Variants in GPC5 observed in about 807,000 individuals in gnomAD.
GPC5 encodes glypican-5.
In GPC5, 47 loss-of-function variants were observed where a neutral mutation model predicts 53.9. That is an observed-to-expected ratio of 0.87 (90% CI 0.69 to 1.11). The LOEUF is 1.11. GPC5 is among the 50% of genes most tolerant of loss of function. GPC5 has a pLI of 0.00. For missense variants in GPC5, 748 were observed against 713.1 expected, an observed-to-expected ratio of 1.05 and a Z score of -0.56; for synonymous variants, 286 against 263.3, an observed-to-expected ratio of 1.09 and a Z score of -0.84.
At position 91,476,309 on chromosome 13, in the gene GPC5, A is replaced by G. The variant is rs377508206; in HGVS notation, c.325+27387A>G. 8.1e-4 allele frequency among the ~76,000 whole-genome samples: 123 copies of G among 152,300 alleles called. 1 individual carries two copies. The highest frequency in any genetic ancestry group is 2.9e-3 in the African/African-American group (121 of 41,570). On this transcript the variant is annotated intron_variant, in intron 2 of 7. Transcript: ENST00000377067. ...CCAGTTGACCTATCTTGTGCTGATA[A>G]TCTTCGAAGGAGGGAATCACTTCAT...
At chr13:92,462,304 G>T (rs1878519681) in intron 7 of GPC5, among the ~76,000 whole-genome samples, 1 of 152,154 alleles carries the variant, frequency 6.6e-6, no homozygotes, top group South Asian at 2.1e-4. Context: ...AGGTGGTGGT[G>T]AAGTCAGCCA....
intron 7 of GPC5, among the ~76,000 whole-genome samples, chr13:92,385,732 T>TGGAAA (rs1467071823): frequency 7.0e-6 from 1 of 143,678 alleles, no homozygotes; most frequent in Non-Finnish European, 1.5e-5. Context: ...TATATACATG[T>TGGAAA]ATATATACGT....
At chr13:91,685,534 AT>A (rs1461269944) in intron 2 of GPC5, among the ~76,000 whole-genome samples, 1 of 152,200 alleles carries the variant, frequency 6.6e-6, no homozygotes, top group Non-Finnish European at 1.5e-5. Context: ...TTCACTTTTC[AT>A]CCCCTACCCT....
chr13:92,238,670 A>T (rs1342910861), intron 7 of GPC5, among the ~76,000 whole-genome samples: 1 of 152,010 alleles, frequency 6.6e-6, no homozygotes, highest in Non-Finnish European at 1.5e-5. Flanking sequence ...CAAGTCCGTT[A>T]TTAGACATAT....
At chr13:91,975,506 A>G in intron 6 of GPC5, among the ~76,000 whole-genome samples, 1 of 152,234 alleles carries the variant, frequency 6.6e-6, no homozygotes, top group Non-Finnish European at 1.5e-5. Context: ...TGCAGCCAAA[A>G]CACACATGAA....
At chr13:92,763,296 A>G (rs1198562681) in intron 7 of GPC5, among the ~76,000 whole-genome samples, 2 of 152,146 alleles carry the variant, frequency 1.3e-5, no homozygotes, top group Non-Finnish European at 2.9e-5. Flanking sequence ...ATCTTAATGT[A>G]CCAGTTGGGA....
chr13:91,893,762 CT>C (rs983251394), intron 5 of GPC5, among the ~76,000 whole-genome samples: 4 of 152,062 alleles, frequency 2.6e-5, no homozygotes, highest in African/African-American at 9.7e-5. Flanking sequence ...CCTTTCTCCC[CT>C]ACCTCCTTTT....
At chr13:92,752,316 C>A (rs1021188178) in intron 7 of GPC5, among the ~76,000 whole-genome samples, 2 of 152,138 alleles carry the variant, frequency 1.3e-5, no homozygotes, top group Non-Finnish European at 2.9e-5. Flanking sequence ...CCCTGGGGGA[C>A]AAAATGCTCT....
intron 7 of GPC5, chr13:92,340,276 A>T (rs1381539759): frequency 6.6e-6 from 1 of 152,160 alleles, no homozygotes; most frequent in Non-Finnish European, 1.5e-5. Context: ...AAATTGGGGA[A>T]AGTAACCCTT....
chr13:92,093,749 A>G (rs1265065486), intron 6 of GPC5, among the ~76,000 whole-genome samples: 1 of 152,222 alleles, frequency 6.6e-6, no homozygotes, highest in Non-Finnish European at 1.5e-5. Context: ...GAAAGTCATT[A>G]AAGTAGACAA....
chr13:92,747,123 A>T (rs2139319555), intron 7 of GPC5, among the ~76,000 whole-genome samples: 1 of 152,298 alleles, frequency 6.6e-6, no homozygotes, highest in South Asian at 2.1e-4. Context: ...TGTTAGCCAA[A>T]GCGTCATTAT....
Position 92,514,072 on chromosome 13 carries a change from C to T in GPC5, c.1562-352210C>T, listed in dbSNP as rs190733651. ...ATCAGTAAAAAGAAAGGGAGTAAGG[C>T]TAAAAAAATATAAAAACTAAACAAG... On this transcript the variant is annotated intron_variant, in intron 7 of 7. Transcript: ENST00000377067. 1.3e-3 allele frequency among the ~76,000 whole-genome samples: 204 copies of T among 151,346 alleles called. 1 individual carries two copies. The highest frequency in any genetic ancestry group is 3.4e-3 in the Middle Eastern group (1 of 294).
At chr13:91,854,113 T>G (rs991251809) in intron 5 of GPC5, among the ~76,000 whole-genome samples, 2 of 130,592 alleles carry the variant, frequency 1.5e-5, no homozygotes, top group South Asian at 3.6e-4. Context: ...TATGAGCAAG[T>G]AGGAAAAAAA....
chr13:92,575,501 A>G (rs764944286), intron 7 of GPC5, among the ~76,000 whole-genome samples: 4 of 152,050 alleles, frequency 2.6e-5, no homozygotes, highest in Non-Finnish European at 5.9e-5. Flanking sequence ...CCCTGCCAAC[A>G]CCTTGATTTT....
chr13:92,492,436 T>C (rs1430646518), intron 7 of GPC5, among the ~76,000 whole-genome samples: 7 of 151,930 alleles, frequency 4.6e-5, no homozygotes, highest in Admixed American at 2.0e-4. Flanking sequence ...GGCACATGTA[T>C]ACATATGAAA....
intron 2 of GPC5, among the ~76,000 whole-genome samples, chr13:91,490,431 G>A (rs1236345154): frequency 6.6e-6 from 1 of 152,074 alleles, no homozygotes; most frequent in Non-Finnish European, 1.5e-5. Flanking sequence ...GGTAGACTAG[G>A]ATATTTAAGT....
At chr13:91,983,243 G>C (rs2040376684) in intron 6 of GPC5, among the ~76,000 whole-genome samples, 1 of 152,110 alleles carries the variant, frequency 6.6e-6, no homozygotes, top group Admixed American at 6.5e-5. Context: ...CTACTTGGGA[G>C]GCTGAGGCAG....
At chr13:92,634,243 G>T (rs1885345883) in intron 7 of GPC5, among the ~76,000 whole-genome samples, 1 of 151,952 alleles carries the variant, frequency 6.6e-6, no homozygotes, top group Admixed American at 6.6e-5. Context: ...ATAATTCCAA[G>T]ATTACCTTTC....
chr13:91,726,892 A>G (rs1009896224), intron 3 of GPC5, among the ~76,000 whole-genome samples: 5 of 152,220 alleles, frequency 3.3e-5, no homozygotes, highest in African/African-American at 7.2e-5. Context: ...TTTTGCCTGC[A>G]TTCCATTTGC....
Sources: gnomAD v4.1 joint callset for allele counts (sites outside exome capture counted in the v4.1 genomes callset) on GRCh38, gnomAD v4.1.1 for gene constraint, MANE v1.5 for transcripts, NCBI Gene and HGNC (gene_info 2026-07-23, HGNC 2026-07-21) for gene names.